The following RDX variants were observed in gnomAD, a reference collection of about 807,000 sequenced individuals.
RDX encodes the protein deafness, autosomal recessive 24.
Under a neutral mutation model 83.7 loss-of-function variants are expected in RDX, and 32 were observed. The observed-to-expected ratio is 0.38, with a 90% CI of 0.29 to 0.51. The LOEUF (loss-of-function observed/expected upper bound fraction) is 0.51. RDX is among the 20% of genes least tolerant of loss of function. The probability of loss-of-function intolerance (pLI) is 0.87; values close to 1 mark genes in which losing one functional copy is unlikely to be tolerated. For synonymous variants in RDX, 229 were observed against 222.7 expected (o/e 1.03, Z -0.25); for missense variants, 600 against 689.9 (o/e 0.87, Z 1.46).
intron 12 of RDX, among the ~76,000 whole-genome samples, chr11:110,233,906 T>C (rs1341029697): frequency 1.3e-5 from 2 of 152,206 alleles, no homozygotes; most frequent in East Asian, 3.8e-4. Context: ...AGACTGTCGT[T>C]ACTCAAATCC....
At chr11:110,278,429 G>A (rs1232621570) in intron 2 of RDX, among the ~76,000 whole-genome samples, 1 of 152,052 alleles carries the variant, frequency 6.6e-6, no homozygotes, top group Non-Finnish European at 1.5e-5. Context: ...AGTTCTCTAT[G>A]TATTTAAATC....
chr11:110,195,950 A>G (rs574241955), intron 15 of RDX: 86 of 152,360 alleles, frequency 5.6e-4, no homozygotes, highest in African/African-American at 2.0e-3. Context: ...TCTTTAGGAA[A>G]GGCAATTGAG....
intron 10 of RDX, among the ~76,000 whole-genome samples, chr11:110,244,188 C>T (rs1249687706): frequency 6.6e-6 from 1 of 151,442 alleles, no homozygotes; most frequent in African/African-American, 2.4e-5. Flanking sequence ...ATGGCGAAAC[C>T]CCGTCTCTAC....
At chr11:110,180,360 C>T (rs1862862309) in intron 15 of RDX, among the ~76,000 whole-genome samples, 1 of 152,158 alleles carries the variant, frequency 6.6e-6, no homozygotes, top group Non-Finnish European at 1.5e-5. Flanking sequence ...CTCATTAGCT[C>T]CAGCTTTGGG....
chr11:110,234,777 C>T (rs1864775359), intron 12 of RDX, among the ~76,000 whole-genome samples: 1 of 152,238 alleles, frequency 6.6e-6, no homozygotes, highest in South Asian at 2.1e-4. Context: ...ATTTTCAATA[C>T]ATATAAAATT....
At chr11:110,275,783 T>C (rs913688615) in intron 2 of RDX, among the ~76,000 whole-genome samples, 36 of 50,534 alleles carry the variant, frequency 7.1e-4, no homozygotes, top group Non-Finnish European at 1.1e-3. Context: ...TTTACCATCC[T>C]TTTTTTTTTT....
intron 10 of RDX, among the ~76,000 whole-genome samples, chr11:110,240,439 T>A (rs1461002233): frequency 6.6e-6 from 1 of 152,114 alleles, no homozygotes; most frequent in African/African-American, 2.4e-5. Context: ...TACTGAACTG[T>A]ATACTTAAAA....
At chr11:110,201,177 C>CAAAAAA (rs34428422) in intron 14 of RDX, among the ~76,000 whole-genome samples, 8 of 82,020 alleles carry the variant, frequency 9.8e-5, no homozygotes, top group Admixed American at 1.4e-4. Context: ...ACTCCCGTCT[C>CAAAAAA]AAAAAAAAAA....
intron 14 of RDX, among the ~76,000 whole-genome samples, chr11:110,209,919 A>C (rs1591513673): frequency 6.7e-6 from 1 of 148,850 alleles, no homozygotes; most frequent in Non-Finnish European, 1.5e-5. Flanking sequence ...GAAACTCTAA[A>C]AAGCAGAGTG....
At chr11:110,295,308 T>TAA (rs200732024) in intron 1 of RDX, among the ~76,000 whole-genome samples, 1,889 of 127,292 alleles carry the variant, frequency 0.015, 21 homozygotes, top group South Asian at 0.027. Flanking sequence ...TTTAGTGTTC[T>TAA]AAAAAAAAAA....
At chr11:110,258,804 C>A (rs1472902621) in intron 5 of RDX, among the ~76,000 whole-genome samples, 1 of 151,776 alleles carries the variant, frequency 6.6e-6, no homozygotes. Context: ...AGTCCAATAC[C>A]CCCCAAATAA....
chr11:110,185,795 T>A (rs1347429238), intron 15 of RDX, among the ~76,000 whole-genome samples: 4 of 152,184 alleles, frequency 2.6e-5, no homozygotes, highest in Admixed American at 6.5e-5. Flanking sequence ...TGTGAAACTA[T>A]GGCATGGAAG....
chr11:110,202,593 T>G (rs1156724291), intron 14 of RDX, among the ~76,000 whole-genome samples: 1 of 150,414 alleles, frequency 6.6e-6, no homozygotes, highest in East Asian at 1.9e-4. Flanking sequence ...TAATTTTTCT[T>G]TCTTTTTTTT....
At chr11:110,280,840 A>G (rs1196167234) in intron 1 of RDX, among the ~76,000 whole-genome samples, 1 of 152,086 alleles carries the variant, frequency 6.6e-6, no homozygotes, top group African/African-American at 2.4e-5. Context: ...AAACAAACAA[A>G]CAAAAAAATG....
chr11:110,263,290 AAGTC>A (rs1859875790), intron 5 of RDX: 1 of 151,048 alleles, frequency 6.6e-6, no homozygotes, highest in African/African-American at 2.4e-5. Context: ...GGGGGGGAAA[AAGTC>A]AGAGAATTCT....
chr11:110,194,839 T>C (rs1300743407), intron 15 of RDX, among the ~76,000 whole-genome samples: 1 of 152,154 alleles, frequency 6.6e-6, no homozygotes. Context: ...AGATGGAAAA[T>C]CCTATGTCAT....
chr11:110,278,658 G>A (rs1291617720), intron 2 of RDX, among the ~76,000 whole-genome samples: 1 of 151,886 alleles, frequency 6.6e-6, no homozygotes, highest in Non-Finnish European at 1.5e-5. Flanking sequence ...ATTTTCTACA[G>A]AAACAATCAT....
intron 7 of RDX, among the ~76,000 whole-genome samples, chr11:110,257,437 G>T (rs994854863): frequency 1.3e-5 from 2 of 151,994 alleles, no homozygotes; most frequent in Non-Finnish European, 2.9e-5. Flanking sequence ...AAGCATAATA[G>T]CATTTTAAAG....
chr11:110,252,675 A>G (rs544432000), intron 9 of RDX, among the ~76,000 whole-genome samples: 1 of 152,364 alleles, frequency 6.6e-6, no homozygotes, highest in East Asian at 1.9e-4. Context: ...AATAAAGAGT[A>G]TTTTTAAAAA....
Sources: allele counts gnomAD v4.1 joint callset (sites outside exome capture counted in the v4.1 genomes callset), GRCh38; gene constraint gnomAD v4.1.1; transcripts MANE v1.5; gene names NCBI Gene and HGNC (gene_info 2026-07-23, HGNC 2026-07-21).